Variants in CPLX1 observed in about 807,000 individuals in gnomAD.
CPLX1 encodes the protein complexin 1.
In CPLX1, 6 loss-of-function variants were observed where a neutral mutation model predicts 15.6. The ratio of observed to expected loss-of-function variants is 0.39; its 90% confidence interval spans 0.21 to 0.76. The LOEUF (loss-of-function observed/expected upper bound fraction) is 0.76, where lower values mean the gene tolerates loss of function less well. Among genes scored for constraint, CPLX1 ranks in the 30% least tolerant of loss-of-function variants. The probability of loss-of-function intolerance (pLI) is 0.43; values close to 1 mark genes in which losing one functional copy is unlikely to be tolerated. For synonymous variants in CPLX1, 91 were observed against 75.2 expected (o/e 1.21, Z -1.08); for missense variants, 242 against 188.6 (o/e 1.28, Z -1.66).
Position 824,587 on chromosome 4 carries a change from G to C in CPLX1, c.-65C>G. ...AGAACTCACACGCAAGTATGGCCGG[G>C]AGCGAGTGTTCTTCCTGGGGGAGAG... On this transcript the variant is annotated 5_prime_UTR_variant, in exon 2 of 4. Transcript: ENST00000304062. 1 of 1,562,452 alleles carries C rather than the reference G, an allele frequency of 6.4e-7. No homozygotes were observed. Among genetic ancestry groups the C allele is most frequent in the Non-Finnish European group, 8.8e-7 (1 of 1,134,212 alleles).
intron 1 of CPLX1, among the ~76,000 whole-genome samples, chr4:825,580 C>T (rs978968729): frequency 3.2e-4 from 48 of 152,034 alleles, no homozygotes; most frequent in African/African-American, 1.1e-3. Context: ...GAGCGGCCCT[C>T]AGGCGGGAGC....
chr4:790,273 G>C (rs1030639596), intron 3 of CPLX1, among the ~76,000 whole-genome samples: 37 of 152,222 alleles, frequency 2.4e-4, no homozygotes, highest in Non-Finnish European at 4.3e-4. Flanking sequence ...GCAAGTGTGT[G>C]GCCTCAATCC....
At chr4:804,994 C>G in intron 2 of CPLX1, 1 of 958,256 alleles carries the variant, frequency 1.0e-6, no homozygotes, top group South Asian at 4.8e-5. Context: ...GGGTGCTCCT[C>G]TGTGGAGAAA....
chr4:800,263 A>G (rs942392351), intron 2 of CPLX1, among the ~76,000 whole-genome samples: 2 of 152,188 alleles, frequency 1.3e-5, no homozygotes, highest in South Asian at 2.1e-4. Context: ...TTTTCTTAAC[A>G]TCTTCAAAAG....
intron 3 of CPLX1, among the ~76,000 whole-genome samples, chr4:790,535 G>A (rs570394816): frequency 3.9e-5 from 6 of 152,250 alleles, no homozygotes; most frequent in Non-Finnish European, 5.9e-5. Flanking sequence ...GGTCCCTGAC[G>A]CTGCTGGCCC....
At chr4:798,238 G>C (rs1304716766) in intron 2 of CPLX1, among the ~76,000 whole-genome samples, 1 of 126,252 alleles carries the variant, frequency 7.9e-6, no homozygotes, top group Non-Finnish European at 1.6e-5. Flanking sequence ...TGGCACCACT[G>C]AACTCCAGCC....
In CPLX1 at chr4:786,442, C is replaced by G; in HGVS notation, c.*59G>C. 6.8e-7 allele frequency: 1 copy of G among 1,481,390 alleles called. No individual in the cohort carries two copies. The highest frequency in any genetic ancestry group is 9.0e-7 in the Non-Finnish European group (1 of 1,108,510). 91.8% of individuals were successfully genotyped at this position (1,481,390 alleles called of 1,614,324 possible). ...GCTCTGCTCGTCCCTCAGGGGCCTC[C>G]GCGGAGGATCTGTAGGGGGAGGGGC... On this transcript the variant is annotated 3_prime_UTR_variant, in exon 4 of 4. Transcript: ENST00000304062.
chr4:786,849 G>A (rs151314325), intron 3 of CPLX1, 151 bp from the exon 4 acceptor site: 2 of 976,400 alleles, frequency 2.0e-6, no homozygotes, highest in Middle Eastern at 5.3e-4. Flanking sequence ...AAGGAGAAGA[G>A]ACCCCACCCC....
At chr4:815,818 T>G (rs1221213692) in intron 2 of CPLX1, among the ~76,000 whole-genome samples, 1 of 152,232 alleles carries the variant, frequency 6.6e-6, no homozygotes, top group Non-Finnish European at 1.5e-5. Context: ...CAGGCTCTTG[T>G]TACAACGGGT....
chr4:805,896 A>G (rs1173922979), intron 2 of CPLX1, among the ~76,000 whole-genome samples: 2 of 152,228 alleles, frequency 1.3e-5, no homozygotes. Context: ...AGGTCCCTAG[A>G]GTAGCCAAAT....
At chr4:787,480 G>T (rs960045369) in intron 3 of CPLX1, 9 of 803,174 alleles carry the variant, frequency 1.1e-5, no homozygotes, top group African/African-American at 1.9e-5. Flanking sequence ...GGTAAGGATG[G>T]GGACGAGGCC....
chr4:824,529 TG>T lies in CPLX1; in HGVS notation c.-8del. The T allele has an allele frequency of 6.2e-7, 1 of 1,612,886 alleles. No individual in the cohort carries two copies. Among genetic ancestry groups the T allele is most frequent in the Non-Finnish European group, 8.5e-7 (1 of 1,179,784 alleles). On this transcript the variant is annotated 5_prime_UTR_variant, in exon 2 of 4. Coordinates refer to ENST00000304062, the MANE Select transcript of CPLX1 (RefSeq NM_006651.4). ...GCTTCATCACAAACTCCATGGCGAT[TG>T]CTCTGCTTCCACAGTGGCTCCTCCA...
Position 792,599 on chromosome 4 carries a change from T to A in CPLX1, c.41A>T (p.Lys14Met). ...VMKQALGGAT[K>M]DMGKMLGGDE... is the part of the protein sequence containing the mutation. ...ACCCCCCAGCATCTTCCCCATGTCCTTGGTGGCCCCTGGTACAGAAGTTGG... is the reference window on the plus strand; with the variant it reads ...ACCCCCCAGCATCTTCCCCATGTCCATGGTGGCCCCTGGTACAGAAGTTGG... The change falls in exon 3 of 4, where the codon AAG (lysine) becomes ATG (methionine). Residue 14 changes from lysine to methionine, a missense_variant. Coordinates refer to ENST00000304062, the MANE Select transcript of CPLX1 (RefSeq NM_006651.4). 6.2e-7 allele frequency: 1 copy of A among 1,612,050 alleles called. No individual in the cohort carries two copies. Among genetic ancestry groups the A allele is most frequent in the Non-Finnish European group, 8.5e-7 (1 of 1,179,054 alleles).
Position 811,269 on chromosome 4 carries a change from A to G in CPLX1, c.31+13223T>C, listed in dbSNP as rs181559958. ...AGTGATCTTCCCACCTTGGCCTCCAATCAGCTAGTGCTACAGGTGCATACC... is the reference window on the plus strand; with the variant it reads ...AGTGATCTTCCCACCTTGGCCTCCAGTCAGCTAGTGCTACAGGTGCATACC... On this transcript the variant is annotated intron_variant, in intron 2 of 3. Coordinates refer to ENST00000304062, the MANE Select transcript of CPLX1 (RefSeq NM_006651.4). 6.6e-5 allele frequency among the ~76,000 whole-genome samples: 10 copies of G among 152,250 alleles called. No individual in the cohort carries two copies. The East Asian group carries it at 1.5e-3, about 23-fold the overall frequency.
At chr4:797,756 AC>A (rs1328871699) in intron 2 of CPLX1, among the ~76,000 whole-genome samples, 1 of 151,526 alleles carries the variant, frequency 6.6e-6, no homozygotes, top group South Asian at 2.1e-4. Context: ...ACACAATGAG[AC>A]CCCGTCTCTA....
chr4:786,733 G>A (rs1306333221), intron 3 of CPLX1, 35 bp from the exon 4 acceptor site: 45 of 1,549,234 alleles, frequency 2.9e-5, no homozygotes, highest in Non-Finnish European at 3.9e-5. Context: ...CGGGGGTCCC[G>A]GCGGCTCCCG....
At chr4:787,736 G>A in intron 3 of CPLX1, 2 of 984,732 alleles carry the variant, frequency 2.0e-6, no homozygotes, top group Non-Finnish European at 2.4e-6. Flanking sequence ...AGGCCCCGGG[G>A]TTTTGGTTTC....
intron 2 of CPLX1, among the ~76,000 whole-genome samples, chr4:820,746 ACGTG>A (rs1746844532): frequency 9.8e-6 from 1 of 101,688 alleles, no homozygotes; most frequent in South Asian, 3.5e-4. Flanking sequence ...CACCAGCCTC[ACGTG>A]AACCCCCAAG....
chr4:804,612 A>C, intron 2 of CPLX1: 1 of 405,516 alleles, frequency 2.5e-6, no homozygotes, highest in Non-Finnish European at 3.3e-6. Context: ...ATAATGTGCA[A>C]TTGTATGTAA....
Sources: allele counts gnomAD v4.1 joint callset (sites outside exome capture counted in the v4.1 genomes callset), GRCh38; gene constraint gnomAD v4.1.1; transcripts MANE v1.5; gene names NCBI Gene and HGNC (gene_info 2026-07-23, HGNC 2026-07-21).